Variants in PITPNM3 observed in about 807,000 individuals in gnomAD.
The protein encoded by PITPNM3 is PITPNM family member 3, also known as membrane-associated phosphatidylinositol transfer protein 3.
In PITPNM3, 26 loss-of-function variants were observed where a neutral mutation model predicts 102.0. That is an observed-to-expected ratio of 0.25 (90% confidence interval 0.19 to 0.35). The LOEUF is 0.35. Ranked by LOEUF, PITPNM3 falls within the 10% of genes least tolerant of loss-of-function variation. The pLI, the probability that PITPNM3 is intolerant of heterozygous loss-of-function variation, is 1.00. For missense variants in PITPNM3, 1,083 were observed against 1,346.1 expected (o/e 0.80, Z 3.06); for synonymous variants, 578 against 558.6 (o/e 1.03, Z -0.49).
At chr17:6,531,979 G>A (rs899978066) in intron 2 of PITPNM3, among the ~76,000 whole-genome samples, 3 of 152,098 alleles carry the variant, frequency 2.0e-5, no homozygotes, top group African/African-American at 4.8e-5. Context: ...GGTGGTACAT[G>A]CCTGTAATCC....
chr17:6,514,320 AG>A (rs1349694043), intron 3 of PITPNM3, among the ~76,000 whole-genome samples: 2 of 151,864 alleles, frequency 1.3e-5, no homozygotes, highest in Non-Finnish European at 2.9e-5. Flanking sequence ...AAAAAAAAAA[AG>A]TATAAAGACA....
At chr17:6,532,099 T>G (rs1909177716) in intron 2 of PITPNM3, among the ~76,000 whole-genome samples, 1 of 146,846 alleles carries the variant, frequency 6.8e-6, no homozygotes, top group South Asian at 2.2e-4. Context: ...AGAGTGAAAC[T>G]CCGTCTAAAA....
At chr17:6,540,698 G>A (rs1160116703) in intron 1 of PITPNM3, among the ~76,000 whole-genome samples, 1 of 152,010 alleles carries the variant, frequency 6.6e-6, no homozygotes, top group Non-Finnish European at 1.5e-5. Flanking sequence ...TGCTCTTGTC[G>A]CCCAGGCTGG....
At chr17:6,483,850 C>G in intron 5 of PITPNM3, 98 bp from the exon 6 acceptor site, 1 of 987,178 alleles carries the variant, frequency 1.0e-6, no homozygotes, top group Non-Finnish European at 1.6e-6. Flanking sequence ...CACACACACT[C>G]ACACACACGC....
chr17:6,544,847 C>CCA (rs1555562250), intron 1 of PITPNM3, among the ~76,000 whole-genome samples: 21 of 95,156 alleles, frequency 2.2e-4, no homozygotes, highest in African/African-American at 6.4e-4. Flanking sequence ...GCTCATGCAG[C>CCA]CACACACACA....
At chr17:6,467,083 A>AAAAAAACC in intron 14 of PITPNM3, among the ~76,000 whole-genome samples, 1 of 24,126 alleles carries the variant, frequency 4.1e-5, no homozygotes, top group East Asian at 5.8e-4. Flanking sequence ...AAAAAAACCA[A>AAAAAAACC]AAAAAAAAAA....
chr17:6,481,738 T>TGATTA, intron 6 of PITPNM3: 1 of 140,112 alleles, frequency 7.1e-6, no homozygotes, highest in African/African-American at 2.7e-5. Flanking sequence ...ATAGATCAGA[T>TGATTA]GATAGATAGA....
At chr17:6,508,659 T>C (rs8079796) in intron 3 of PITPNM3, among the ~76,000 whole-genome samples, 3,102 of 152,184 alleles carry the variant, frequency 0.02, 118 homozygotes, top group African/African-American at 0.07. Context: ...TCCAGAGGCT[T>C]GGGGACTGGC....
At chr17:6,466,594 C>T (rs144284736) in intron 14 of PITPNM3, among the ~76,000 whole-genome samples, 44 of 152,314 alleles carry the variant, frequency 2.9e-4, no homozygotes, top group Admixed American at 5.2e-4. Context: ...CAGATAATAA[C>T]AGGGGTTGCT....
chr17:6,472,924 C>CAGG lies in PITPNM3; in HGVS notation c.1259-98_1259-97insCCT. The stretch of plus-strand genomic sequence containing the variant: ...GAATGCAGCCTGGAGTAGCCTACTC[C>CAGG]CCTCTCAAGAGCCTCCCCGGGCTCC... On this transcript the variant is annotated intron_variant, in intron 10 of 19. Transcript: ENST00000262483. This position sits in a 1 kb window ranked among gnomAD's most constrained non-coding sequence, Gnocchi z 4.1. 2 of 1,436,868 alleles carry CAGG rather than the reference C, an allele frequency of 1.4e-6. No homozygotes were observed. The highest frequency in any genetic ancestry group is 9.6e-7 in the Non-Finnish European group (1 of 1,041,732). 89.0% of individuals were successfully genotyped at this position (1,436,868 alleles called of 1,614,324 possible).
Position 6,534,573 on chromosome 17 carries a change from C to T in PITPNM3, c.118+3414G>A, listed in dbSNP as rs114103702. Among the ~76,000 whole-genome samples the T allele has an allele frequency of 5.9e-3, 900 of 152,314 alleles. 2 individuals carry two copies. The highest frequency in any genetic ancestry group is 6.9e-3 in the Non-Finnish European group (472 of 68,036). ...GACACTAAACTCCCGGGTTCCAGCC[C>T]CTGCACTTCCACCTTGATGTGTGAT... On this transcript the variant is annotated intron_variant, in intron 2 of 19. Coordinates refer to ENST00000262483, the MANE Select transcript of PITPNM3 (RefSeq NM_031220.4).
intron 19 of PITPNM3, among the ~76,000 whole-genome samples, chr17:6,456,779 G>T (rs1319572300): frequency 6.6e-6 from 1 of 152,020 alleles, no homozygotes; most frequent in African/African-American, 2.4e-5. Context: ...TCCAATAGTG[G>T]CACCTCCTAC....
chr17:6,471,492 A>T, intron 11 of PITPNM3, 137 bp from the exon 12 acceptor site: 1 of 862,200 alleles, frequency 1.2e-6, no homozygotes, highest in Non-Finnish European at 1.7e-6. Flanking sequence ...CCAGCCCAGC[A>T]GGCACCTGCC....
At chr17:6,496,715 G>A (rs1021453727) in intron 4 of PITPNM3, among the ~76,000 whole-genome samples, 3 of 152,136 alleles carry the variant, frequency 2.0e-5, no homozygotes, top group African/African-American at 7.2e-5. Context: ...GGCATATAAA[G>A]GTGCTCATTA....
intron 5 of PITPNM3, 97 bp from the exon 6 acceptor site, chr17:6,483,849 T>A (rs1054647885): frequency 2.9e-6 from 3 of 1,042,878 alleles, no homozygotes; most frequent in Non-Finnish European, 4.4e-6. Flanking sequence ...ACACACACAC[T>A]CACACACACG....
At position 6,458,234 on chromosome 17, in the gene PITPNM3, A is replaced by G. The variant is rs77568710; in HGVS notation, c.2491-512T>C. ...AACTGCACAAGGTCCGTCTTGCTCC[A>G]GGGGCACTTCCAGACCATCACCCTT... On this transcript the variant is annotated intron_variant, in intron 18 of 19. Coordinates refer to ENST00000262483, the MANE Select transcript of PITPNM3 (RefSeq NM_031220.4). The surrounding 1 kb of genome is among the most constrained non-coding windows in gnomAD (Gnocchi z 5.1). Among the ~76,000 whole-genome samples the G allele has an allele frequency of 0.083, 12,613 of 151,594 alleles. 634 individuals are homozygous for G. Among genetic ancestry groups the G allele is most frequent in the Middle Eastern group, 0.23 (68 of 292 alleles).
intron 18 of PITPNM3, chr17:6,461,091 T>C (rs1235043542): frequency 3.9e-6 from 2 of 513,072 alleles, no homozygotes; most frequent in Non-Finnish European, 7.1e-6. Context: ...TAAATGTCTA[T>C]TGGATGAATG....
At chr17:6,492,222 GC>G (rs1173314170) in intron 4 of PITPNM3, among the ~76,000 whole-genome samples, 2 of 151,184 alleles carry the variant, frequency 1.3e-5, no homozygotes, top group Non-Finnish European at 2.9e-5. Context: ...CCCCCACCAT[GC>G]CCAGCTAATT....
intron 11 of PITPNM3, among the ~76,000 whole-genome samples, chr17:6,471,852 G>A (rs1475823299): frequency 6.6e-6 from 1 of 152,176 alleles, no homozygotes; most frequent in East Asian, 1.9e-4. Context: ...GGGATCCATG[G>A]GGGAGGGAGG....
Sources: allele counts gnomAD v4.1 joint callset (sites outside exome capture counted in the v4.1 genomes callset), GRCh38; gene constraint gnomAD v4.1.1; non-coding constraint Gnocchi (gnomAD v3.1); transcripts MANE v1.5; gene names NCBI Gene and HGNC (gene_info 2026-07-23, HGNC 2026-07-21).